Variants in GRIK4 observed in about 807,000 individuals in gnomAD.
GRIK4 encodes glutamate ionotropic receptor kainate type subunit 4.
Under a neutral mutation model 104.9 loss-of-function variants are expected in GRIK4, and 40 were observed. The ratio of observed to expected loss-of-function variants is 0.38; its 90% confidence interval spans 0.30 to 0.50. The LOEUF is 0.50. Among genes scored for constraint, GRIK4 ranks in the 20% least tolerant of loss-of-function variants. The pLI, the probability that GRIK4 is intolerant of heterozygous loss-of-function variation, is 0.93. For missense variants in GRIK4, 1,047 were observed against 1,308.1 expected, an observed-to-expected ratio of 0.80 and a Z score of 3.08; for synonymous variants, 485 against 524.9, an observed-to-expected ratio of 0.92 and a Z score of 1.04.
intron 1 of GRIK4, among the ~76,000 whole-genome samples, chr11:120,617,202 C>A (rs1008155595): frequency 1.3e-5 from 2 of 152,158 alleles, no homozygotes; most frequent in African/African-American, 4.8e-5. Flanking sequence ...CCGCAGTCAG[C>A]TCTATACAGC....
chr11:120,977,721 A>T (rs1352625601), intron 19 of GRIK4, among the ~76,000 whole-genome samples: 1 of 152,214 alleles, frequency 6.6e-6, no homozygotes, highest in Non-Finnish European at 1.5e-5. Context: ...AAGAAAGACT[A>T]TGGGGTGTTT....
intron 3 of GRIK4, among the ~76,000 whole-genome samples, chr11:120,663,695 A>C (rs570559180): frequency 2.6e-4 from 39 of 152,242 alleles, no homozygotes; most frequent in African/African-American, 8.7e-4. Context: ...CAAATATACC[A>C]GGAGGATTTA....
chr11:120,872,168 A>G (rs1235081270), intron 9 of GRIK4: 3 of 325,580 alleles, frequency 9.2e-6, no homozygotes, highest in Admixed American at 4.1e-5. Context: ...TTTGCAGAGC[A>G]CTTTTACAGA....
chr11:120,633,279 G>T (rs1446441947), intron 1 of GRIK4, among the ~76,000 whole-genome samples: 1 of 152,184 alleles, frequency 6.6e-6, no homozygotes, highest in East Asian at 1.9e-4. Flanking sequence ...GGCTTTCAGA[G>T]CCCTGTAAAT....
At chr11:120,671,643 A>G (rs188528619) in intron 3 of GRIK4, among the ~76,000 whole-genome samples, 28 of 152,124 alleles carry the variant, frequency 1.8e-4, no homozygotes, top group African/African-American at 5.8e-4. Flanking sequence ...TGTCAGATGG[A>G]TAGATTGCAA....
At chr11:120,829,233 C>T (rs1341031979) in intron 6 of GRIK4, among the ~76,000 whole-genome samples, 1 of 152,194 alleles carries the variant, frequency 6.6e-6, no homozygotes, top group Non-Finnish European at 1.5e-5. Flanking sequence ...TCCGTGGCCT[C>T]CCTCCACCTC....
At chr11:120,628,335 A>G (rs7928903) in intron 1 of GRIK4, among the ~76,000 whole-genome samples, 105,265 of 152,072 alleles carry the variant, frequency 0.69, 37,616 homozygotes, top group East Asian at 0.83. Flanking sequence ...ATCTTTAGCC[A>G]TGGTCCCAGG....
At chr11:120,904,222 G>C (rs1232323397) in intron 12 of GRIK4, among the ~76,000 whole-genome samples, 1 of 152,102 alleles carries the variant, frequency 6.6e-6, no homozygotes, top group East Asian at 1.9e-4. Context: ...TAAACACCCA[G>C]TGGGTCACTT....
chr11:120,926,985 G>T (rs551774797), intron 13 of GRIK4, among the ~76,000 whole-genome samples: 1 of 152,216 alleles, frequency 6.6e-6, no homozygotes, highest in African/African-American at 2.4e-5. Context: ...TTGAGCTGAG[G>T]TCAGAACGGT....
chr11:120,905,149 C>T lies in GRIK4; in HGVS notation c.1273-141C>T. 2.8e-6 allele frequency: 2 copies of T among 711,310 alleles called. No individual in the cohort carries two copies. The highest frequency in any genetic ancestry group is 5.1e-6 in the Non-Finnish European group (2 of 391,434). The allele number at this position is 711,310 out of a possible 1,614,324, so 44.1% of individuals were successfully genotyped here. On this transcript the variant is annotated intron_variant, in intron 12 of 20. Transcript: ENST00000527524. The surrounding 1 kb of genome is among the most constrained non-coding windows in gnomAD (Gnocchi z 5.1). ...CAGGGAGAGGAGCTGGTCATCACCC[C>T]AAAGTAGCCCATTACCCACGTCAGT...
intron 11 of GRIK4, among the ~76,000 whole-genome samples, chr11:120,896,865 G>T (rs888172703): frequency 6.6e-6 from 1 of 152,248 alleles, no homozygotes; most frequent in Non-Finnish European, 1.5e-5. Flanking sequence ...GCAGAGAAAG[G>T]TGTGTGCATT....
intron 3 of GRIK4, among the ~76,000 whole-genome samples, chr11:120,706,320 G>A (rs943002803): frequency 1.3e-4 from 20 of 152,194 alleles, no homozygotes; most frequent in Admixed American, 2.6e-4. Context: ...TCTTTGTTTA[G>A]ACCCAGTTTC....
Position 120,660,228 on chromosome 11 carries a change from GGA to G in GRIK4, c.-50-39_-50-38del, listed in dbSNP as rs1949787997. On this transcript the variant is annotated intron_variant, in intron 2 of 20. Coordinates refer to ENST00000527524, the MANE Select transcript of GRIK4 (RefSeq NM_014619.5). Reference sequence around the variant, plus strand: ...GGGATGGTGGGGCAGCTGCCTAGCTGGAGCCTGGGACTCACGTGCCCCCAACC... The same window carrying G: ...GGGATGGTGGGGCAGCTGCCTAGCTGGCCTGGGACTCACGTGCCCCCAACC... 4 of 871,360 alleles carry G rather than the reference GGA, an allele frequency of 4.6e-6. No homozygotes were observed. In the South Asian group the frequency reaches 5.8e-5, roughly 13 times the overall value. 54.0% of individuals were successfully genotyped at this position (871,360 alleles called of 1,614,324 possible).
At chr11:120,915,109 T>C (rs372922621) in intron 13 of GRIK4, among the ~76,000 whole-genome samples, 2 of 152,238 alleles carry the variant, frequency 1.3e-5, no homozygotes, top group East Asian at 1.9e-4. Context: ...CTTTCTACAA[T>C]GGCTCCTTGA....
At chr11:120,788,023 G>A (rs1254039865) in intron 3 of GRIK4, among the ~76,000 whole-genome samples, 16 of 150,588 alleles carry the variant, frequency 1.1e-4, no homozygotes, top group Admixed American at 2.6e-4. Flanking sequence ...ACACCACCAC[G>A]CCCAGCTAAT....
chr11:120,525,627 G>A (rs1000219919), intron 1 of GRIK4, among the ~76,000 whole-genome samples: 4 of 152,200 alleles, frequency 2.6e-5, no homozygotes, highest in Admixed American at 6.5e-5. Context: ...GGTTAGCCGC[G>A]TGCTACGTCC....
At chr11:120,614,199 G>A (rs116892314) in intron 1 of GRIK4, among the ~76,000 whole-genome samples, 3,235 of 152,340 alleles carry the variant, frequency 0.021, 52 homozygotes, top group Non-Finnish European at 0.029. Flanking sequence ...ACAGAAGTAA[G>A]TGCAAGTGGT....
At chr11:120,660,686 C>T (rs1029372453) in intron 3 of GRIK4, among the ~76,000 whole-genome samples, 8 of 152,260 alleles carry the variant, frequency 5.3e-5, no homozygotes, top group South Asian at 4.1e-4. Flanking sequence ...AGGCAGCTGT[C>T]GGGGAAAAAG....
intron 3 of GRIK4, among the ~76,000 whole-genome samples, chr11:120,800,640 C>T (rs1466055744): frequency 6.6e-6 from 1 of 152,206 alleles, no homozygotes; most frequent in Non-Finnish European, 1.5e-5. Flanking sequence ...CATGCATGGC[C>T]AACCTGAGTA....
Sources: gnomAD v4.1 joint callset for allele counts (sites outside exome capture counted in the v4.1 genomes callset) on GRCh38, gnomAD v4.1.1 for gene constraint, Gnocchi (gnomAD v3.1) non-coding constraint, MANE v1.5 for transcripts, NCBI Gene and HGNC (gene_info 2026-07-23, HGNC 2026-07-21) for gene names.